Variants in EYA2 observed in about 807,000 individuals in gnomAD.
The protein encoded by EYA2 is protein phosphatase EYA2.
In EYA2, 31 loss-of-function variants were observed where a neutral mutation model predicts 69.2. The observed-to-expected ratio is 0.45, with a 90% CI of 0.34 to 0.60. The LOEUF is 0.60. EYA2 is among the 20% of genes least tolerant of loss of function. The pLI is 0.02. For synonymous variants in EYA2, 257 were observed against 279.4 expected (o/e 0.92, Z 0.80); for missense variants, 622 against 701.2 (o/e 0.89, Z 1.28).
At chr20:47,040,667 C>T (rs937817248) in intron 5 of EYA2, among the ~76,000 whole-genome samples, 1 of 152,200 alleles carries the variant, frequency 6.6e-6, no homozygotes, top group African/African-American at 2.4e-5. Flanking sequence ...ATCACAGCCA[C>T]ACAACAGGTA....
At chr20:47,168,388 A>T (rs1261442593) in intron 10 of EYA2, among the ~76,000 whole-genome samples, 1 of 151,940 alleles carries the variant, frequency 6.6e-6, no homozygotes, top group Admixed American at 6.6e-5. Context: ...ACAGGGTTTC[A>T]TCATGTTGGC....
Position 47,067,024 on chromosome 20 carries a change from A to C in EYA2, c.416-5161A>C, listed in dbSNP as rs1291146182. On this transcript the variant is annotated intron_variant, in intron 5 of 15. Coordinates refer to ENST00000327619, the MANE Select transcript of EYA2 (RefSeq NM_005244.5). ...TGGCACAGGATGGATTTCTCACTGC[A>C]GGCACTCTGTGGCTGCCCTCACGCT... Among the ~76,000 whole-genome samples the C allele has an allele frequency of 2.0e-5, 3 of 152,148 alleles. No homozygotes were observed. In the East Asian group the frequency reaches 5.8e-4, roughly 29 times the overall value.
intron 5 of EYA2, among the ~76,000 whole-genome samples, chr20:47,039,378 C>T (rs2146412489): frequency 6.6e-6 from 1 of 152,288 alleles, no homozygotes; most frequent in East Asian, 1.9e-4. Flanking sequence ...GGCACACGGC[C>T]ACATCCATTC....
At chr20:46,913,484 G>A (rs1009739806) in intron 1 of EYA2, among the ~76,000 whole-genome samples, 1 of 152,156 alleles carries the variant, frequency 6.6e-6, no homozygotes. Flanking sequence ...GCAGAGGAAG[G>A]ACATGATCTG....
chr20:46,924,110 TTTA>T (rs1234103178), intron 1 of EYA2, among the ~76,000 whole-genome samples: 42 of 152,310 alleles, frequency 2.8e-4, no homozygotes, highest in African/African-American at 1.0e-3. Context: ...TTGACAGTGA[TTTA>T]TATTTGTGAT....
chr20:47,071,879 G>A (rs1004709603), intron 5 of EYA2: 3 of 347,920 alleles, frequency 8.6e-6, no homozygotes. Context: ...CATCCGGACA[G>A]AGGAAGATCC....
chr20:47,118,578 C>CT (rs1222944493), intron 9 of EYA2, among the ~76,000 whole-genome samples: 1 of 152,128 alleles, frequency 6.6e-6, no homozygotes, highest in African/African-American at 2.4e-5. Flanking sequence ...AGCCAGGGAC[C>CT]TTCATGCCAA....
intron 2 of EYA2, among the ~76,000 whole-genome samples, chr20:46,993,814 G>A (rs1449784532): frequency 6.6e-6 from 1 of 152,178 alleles, no homozygotes; most frequent in Non-Finnish European, 1.5e-5. Context: ...AGAGGTCCCT[G>A]AGAAGATAAC....
At chr20:46,949,672 T>C (rs1023611054) in intron 1 of EYA2, among the ~76,000 whole-genome samples, 1 of 152,236 alleles carries the variant, frequency 6.6e-6, no homozygotes, top group Non-Finnish European at 1.5e-5. Context: ...TAGTAGGTGC[T>C]CACCAAATAT....
intron 5 of EYA2, among the ~76,000 whole-genome samples, chr20:47,029,439 T>G (rs1984277347): frequency 6.6e-6 from 1 of 152,266 alleles, no homozygotes; most frequent in South Asian, 2.1e-4. Flanking sequence ...GGAACCAGAA[T>G]GATGCCATAA....
intron 5 of EYA2, among the ~76,000 whole-genome samples, chr20:47,045,112 G>T (rs182074100): frequency 6.6e-6 from 1 of 152,126 alleles, no homozygotes; most frequent in Non-Finnish European, 1.5e-5. Flanking sequence ...ATCATTTCTC[G>T]TAATGTCTTG....
intron 10 of EYA2, among the ~76,000 whole-genome samples, chr20:47,144,302 G>A (rs1281761526): frequency 1.3e-5 from 2 of 150,394 alleles, no homozygotes; most frequent in South Asian, 2.1e-4. Flanking sequence ...CTTGCGGTGA[G>A]CAGAGATCGT....
chr20:47,075,693 T>C (rs1312014810), intron 7 of EYA2, among the ~76,000 whole-genome samples: 1 of 150,614 alleles, frequency 6.6e-6, no homozygotes, highest in Non-Finnish European at 1.5e-5. Context: ...AGCATGTTCA[T>C]TTTTTTTTTC....
In EYA2 at chr20:47,098,635, C is replaced by T. The variant is rs1343264527; in HGVS notation, c.888+1467C>T. On this transcript the variant is annotated intron_variant, in intron 9 of 15. Coordinates refer to ENST00000327619, the MANE Select transcript of EYA2 (RefSeq NM_005244.5). ...CTTTCTGGGCCCCATGTCCCCTGGC[C>T]CATGCCATTCCTCACTGCCAGCCAC... Among the ~76,000 whole-genome samples the T allele has an allele frequency of 2.6e-5, 4 of 152,232 alleles. No individual in the cohort carries two copies. In the East Asian group the frequency reaches 7.7e-4, roughly 29 times the overall value.
At chr20:47,167,675 C>A (rs1390997344) in intron 10 of EYA2, among the ~76,000 whole-genome samples, 1 of 152,028 alleles carries the variant, frequency 6.6e-6, no homozygotes, top group Non-Finnish European at 1.5e-5. Context: ...GCACATGACT[C>A]CAGTCACCCT....
chr20:47,052,772 G>T (rs767610051), intron 5 of EYA2, among the ~76,000 whole-genome samples: 3 of 151,882 alleles, frequency 2.0e-5, no homozygotes, highest in Admixed American at 6.6e-5. Flanking sequence ...CACCATACAC[G>T]TGTCACCATA....
chr20:46,966,515 T>C (rs60031740), intron 1 of EYA2, among the ~76,000 whole-genome samples: 7,364 of 152,126 alleles, frequency 0.048, 594 homozygotes, highest in East Asian at 0.41. Context: ...AAAAAAAATA[T>C]GTAAAACAGC....
intron 1 of EYA2, among the ~76,000 whole-genome samples, chr20:46,956,476 G>A (rs1031658938): frequency 3.3e-5 from 5 of 152,158 alleles, no homozygotes; most frequent in Non-Finnish European, 5.9e-5. Context: ...CAAGGGCCCA[G>A]GTCCTTTCCA....
chr20:47,017,648 G>T (rs1049327459), intron 5 of EYA2, among the ~76,000 whole-genome samples: 4 of 150,950 alleles, frequency 2.6e-5, no homozygotes, highest in Admixed American at 6.6e-5. Flanking sequence ...TTCCTGGTAA[G>T]GTCTGTGTCC....
Sources: allele counts gnomAD v4.1 joint callset (sites outside exome capture counted in the v4.1 genomes callset), GRCh38; gene constraint gnomAD v4.1.1; transcripts MANE v1.5; gene names NCBI Gene and HGNC (gene_info 2026-07-23, HGNC 2026-07-21).